The following TESK2 variants were observed in gnomAD, a reference collection of about 807,000 sequenced individuals.
The protein encoded by TESK2 is dual specificity testis-specific protein kinase 2.
In TESK2, 39 loss-of-function variants were observed where a neutral mutation model predicts 57.1. The observed-to-expected ratio is 0.68, with a 90% CI of 0.53 to 0.89. The LOEUF (loss-of-function observed/expected upper bound fraction) is 0.89, where lower values mean the gene tolerates loss of function less well. TESK2 is among the 40% of genes least tolerant of loss of function. The pLI, the probability that TESK2 is intolerant of heterozygous loss-of-function variation, is 0.00. For synonymous variants in TESK2, 249 were observed against 267.9 expected (o/e 0.93, Z 0.69); for missense variants, 646 against 732.1 (o/e 0.88, Z 1.36).
In TESK2 at chr1:45,344,002, T is replaced by G. The variant is rs2149261270; in HGVS notation, c.*838A>C. 3.0e-6 allele frequency: 1 copy of G among 331,894 alleles called. No individual in the cohort carries two copies. Among genetic ancestry groups the G allele is most frequent in the African/African-American group, 2.1e-5 (1 of 47,830 alleles). The allele number at this position is 331,894 out of a possible 1,614,324, so 20.6% of individuals were successfully genotyped here. A position where few individuals can be genotyped will look rare whatever the true frequency, so the allele number is the denominator to read the frequency against. ...GACCAGCTTCATCTTTGGTTATTTC[T>G]TATTGCAGCTCTGTAAGGACAGACT... On this transcript the variant is annotated 3_prime_UTR_variant, in exon 11 of 11. Transcript: ENST00000372086.
intron 7 of TESK2, 68 bp from the exon 8 acceptor site, chr1:45,347,130 TG>T (rs770516803): frequency 1.2e-5 from 17 of 1,377,456 alleles, no homozygotes; most frequent in East Asian, 2.3e-5. Context: ...CCCCTGCCCC[TG>T]CCTCCCCTGC....
chr1:45,451,975 G>A (rs1570745305), intron 2 of TESK2, among the ~76,000 whole-genome samples: 1 of 144,942 alleles, frequency 6.9e-6, no homozygotes, highest in East Asian at 2.0e-4. Context: ...AGAGGTTGTA[G>A]TGAGCCAAGA....
Position 45,344,923 on chromosome 1 carries a change from C to T in TESK2, c.1633G>A (p.Glu545Lys), listed in dbSNP as rs1159495047. The T allele has an allele frequency of 6.2e-7, 1 of 1,614,230 alleles. No homozygotes were observed. Among genetic ancestry groups the T allele is most frequent in the South Asian group, 1.1e-5 (1 of 91,084 alleles). Residue 545 changes from glutamate (E) to lysine (K), a missense_variant, in exon 11 of 11, where the codon GAA becomes AAA. Transcript: ENST00000372086. ...PAGASEEMEVEERPAGSTPAT... is the reference protein window; with the variant it reads ...PAGASEEMEVKERPAGSTPAT... The stretch of plus-strand genomic sequence containing the variant: ...GGAGTTGAGCCTGCTGGCCTTTCTT[C>T]TACCTCCATCTCCTCAGAAGCACCC...
intron 2 of TESK2, among the ~76,000 whole-genome samples, chr1:45,435,583 TTTTTTGTA>T (rs1651164103): frequency 6.9e-6 from 1 of 144,490 alleles, no homozygotes; most frequent in Admixed American, 6.9e-5. Flanking sequence ...TTTTTTTTTT[TTTTTTGTA>T]GAGACAAGGT....
At chr1:45,353,551 C>T (rs1392940710) in intron 5 of TESK2, among the ~76,000 whole-genome samples, 1 of 152,212 alleles carries the variant, frequency 6.6e-6, no homozygotes, top group Non-Finnish European at 1.5e-5. Flanking sequence ...CCCTCCCCTT[C>T]ATCTGGGGCA....
At chr1:45,389,016 G>A (rs984367075) in intron 3 of TESK2, among the ~76,000 whole-genome samples, 1 of 152,078 alleles carries the variant, frequency 6.6e-6, no homozygotes, top group African/African-American at 2.4e-5. Context: ...CACCGCGCCC[G>A]GCCGAGAGGT....
rs1362055794 is a variant in TESK2, at chr1:45,344,058, G to C, written c.*782C>G. On this transcript the variant is annotated 3_prime_UTR_variant, in exon 11 of 11. Coordinates refer to ENST00000372086, the MANE Select transcript of TESK2 (RefSeq NM_007170.3). ...CAAAGCTCCAGCCATGGCAGGAAGG[G>C]AAGCAAATCAGTCCCTGTATAAACC... 1 of 236,618 alleles carries C rather than the reference G, an allele frequency of 4.2e-6. No individual in the cohort carries two copies. Among genetic ancestry groups the C allele is most frequent in the East Asian group, 9.4e-5 (1 of 10,612 alleles). 14.7% of individuals were successfully genotyped at this position (236,618 alleles called of 1,614,324 possible). A position where few individuals can be genotyped will look rare whatever the true frequency, so the allele number is the denominator to read the frequency against.
intron 3 of TESK2, among the ~76,000 whole-genome samples, chr1:45,387,849 A>C (rs555402334): frequency 4.6e-5 from 7 of 152,300 alleles, no homozygotes; most frequent in Non-Finnish European, 7.4e-5. Context: ...TCTACTAAAA[A>C]TACAAAAGTT....
chr1:45,347,532 G>T, intron 7 of TESK2, 77 bp downstream of exon 7: 1 of 1,383,912 alleles, frequency 7.2e-7, no homozygotes, highest in South Asian at 1.2e-5. Context: ...ATTCCAGCCT[G>T]AGCAACATAG....
At chr1:45,358,399 C>T (rs1400549584) in intron 4 of TESK2, among the ~76,000 whole-genome samples, 1 of 151,886 alleles carries the variant, frequency 6.6e-6, no homozygotes, top group Non-Finnish European at 1.5e-5. Context: ...ATCACTTGAA[C>T]CTCAGGAGGT....
chr1:45,464,436 A>G (rs999127833), intron 1 of TESK2, among the ~76,000 whole-genome samples: 1 of 152,094 alleles, frequency 6.6e-6, no homozygotes, highest in Non-Finnish European at 1.5e-5. Flanking sequence ...AAAAAAAAAA[A>G]AAAGTCTTAT....
At chr1:45,415,452 C>T (rs537359432) in intron 3 of TESK2, 135 of 615,114 alleles carry the variant, frequency 2.2e-4, no homozygotes, top group African/African-American at 4.6e-4. Context: ...TTTGTGCTTT[C>T]GCTGCAGTTC....
intron 3 of TESK2, among the ~76,000 whole-genome samples, chr1:45,386,368 G>C (rs1570676090): frequency 1.1e-5 from 1 of 93,192 alleles, no homozygotes; most frequent in Non-Finnish European, 2.2e-5. Context: ...AAAAAAAAGA[G>C]ACTGCATCTA....
chr1:45,484,817 G>T (rs1204527802), intron 1 of TESK2, among the ~76,000 whole-genome samples: 1 of 151,776 alleles, frequency 6.6e-6, no homozygotes, highest in South Asian at 2.1e-4. Flanking sequence ...AGATCACAAG[G>T]TCAGGAGATC....
At chr1:45,387,665 G>C (rs1162691072) in intron 3 of TESK2, among the ~76,000 whole-genome samples, 1 of 152,150 alleles carries the variant, frequency 6.6e-6, no homozygotes, top group African/African-American at 2.4e-5. Flanking sequence ...TGAGTGAGAA[G>C]AAACAAAGGA....
At chr1:45,439,645 G>T (rs1247946694) in intron 2 of TESK2, among the ~76,000 whole-genome samples, 1 of 152,152 alleles carries the variant, frequency 6.6e-6, no homozygotes, top group African/African-American at 2.4e-5. Flanking sequence ...CAGAAAGTTT[G>T]TAAGTGGTAC....
chr1:45,366,332 C>T (rs1451143209), intron 4 of TESK2, among the ~76,000 whole-genome samples: 2 of 152,140 alleles, frequency 1.3e-5, no homozygotes, highest in African/African-American at 2.4e-5. Flanking sequence ...AGTGATCTGA[C>T]CGCTTAAGCC....
chr1:45,357,241 ATG>A (rs1382838178), intron 4 of TESK2, among the ~76,000 whole-genome samples: 2 of 150,836 alleles, frequency 1.3e-5, no homozygotes, highest in African/African-American at 4.9e-5. Flanking sequence ...AAATAAATAA[ATG>A]TATGTATGTA....
chr1:45,380,494 TTCTC>T (rs1237977543), intron 4 of TESK2, among the ~76,000 whole-genome samples: 1 of 152,216 alleles, frequency 6.6e-6, no homozygotes, highest in Admixed American at 6.5e-5. Context: ...TCTCTTTCTC[TTCTC>T]TCTTTCTTCC....
Sources: gnomAD v4.1 joint callset for allele counts (sites outside exome capture counted in the v4.1 genomes callset) on GRCh38, gnomAD v4.1.1 for gene constraint, MANE v1.5 for transcripts, NCBI Gene and HGNC (gene_info 2026-07-23, HGNC 2026-07-21) for gene names.